Variants in CD247 observed in about 807,000 individuals in gnomAD.
CD247 encodes the protein T-cell surface glycoprotein CD3 zeta chain.
Under a neutral mutation model 30.0 loss-of-function variants are expected in CD247, and 13 were observed. The ratio of observed to expected loss-of-function variants is 0.43; its 90% CI spans 0.28 to 0.69. CD247 has a LOEUF of 0.69. Among genes scored for constraint, CD247 ranks in the 30% least tolerant of loss-of-function variants. The pLI is 0.16. For missense variants in CD247, 193 were observed against 212.6 expected (o/e 0.91, Z 0.57); for synonymous variants, 72 against 80.0 (o/e 0.90, Z 0.53).
chr1:167,478,441 G>C (rs1331066665), intron 1 of CD247, among the ~76,000 whole-genome samples: 1 of 152,220 alleles, frequency 6.6e-6, no homozygotes, highest in Non-Finnish European at 1.5e-5. Flanking sequence ...TATTTGAAAG[G>C]CTGTCTCATG....
At chr1:167,510,006 G>C (rs1479223972) in intron 1 of CD247, among the ~76,000 whole-genome samples, 1 of 152,184 alleles carries the variant, frequency 6.6e-6, no homozygotes, top group African/African-American at 2.4e-5. Context: ...TCCGACAGAG[G>C]TTTTCTTGTC....
At chr1:167,491,967 G>C (rs992254455) in intron 1 of CD247, among the ~76,000 whole-genome samples, 13 of 152,218 alleles carry the variant, frequency 8.5e-5, no homozygotes, top group Non-Finnish European at 1.5e-4. Flanking sequence ...GGGGCTGGGA[G>C]GAGGCGGGAA....
chr1:167,502,585 T>C (rs892196057), intron 1 of CD247, among the ~76,000 whole-genome samples: 6 of 152,272 alleles, frequency 3.9e-5, no homozygotes, highest in South Asian at 4.1e-4. Flanking sequence ...TTGAACTGTG[T>C]CCCCTCAAAA....
chr1:167,460,783 C>T (rs1467106664), intron 1 of CD247, among the ~76,000 whole-genome samples: 1 of 152,130 alleles, frequency 6.6e-6, no homozygotes, highest in Non-Finnish European at 1.5e-5. Flanking sequence ...TGTTCCCCGC[C>T]CTGTGTCCAT....
intron 1 of CD247, among the ~76,000 whole-genome samples, chr1:167,496,605 T>C (rs1208131674): frequency 6.6e-6 from 1 of 152,136 alleles, no homozygotes; most frequent in African/African-American, 2.4e-5. Context: ...ACCTAGACGA[T>C]CTCTGGCTGG....
At chr1:167,442,062 G>A (rs567451093) in intron 1 of CD247, among the ~76,000 whole-genome samples, 12 of 152,284 alleles carry the variant, frequency 7.9e-5, no homozygotes, top group African/African-American at 2.6e-4. Context: ...AGTGAGCCGA[G>A]ATCACGCCAC....
intron 1 of CD247, among the ~76,000 whole-genome samples, chr1:167,487,384 A>G (rs917074059): frequency 1.3e-5 from 2 of 152,188 alleles, no homozygotes; most frequent in Admixed American, 1.3e-4. Flanking sequence ...TAAAACAAAC[A>G]AAAGAAAAAA....
intron 1 of CD247, among the ~76,000 whole-genome samples, chr1:167,516,914 CA>C (rs1442797297): frequency 6.6e-6 from 1 of 152,134 alleles, no homozygotes; most frequent in African/African-American, 2.4e-5. Context: ...TTGGTCTCTC[CA>C]AGCCGAACAC....
chr1:167,439,504 T>A lies in CD247; in HGVS notation c.163-104A>T, dbSNP rs557574329. 4.1e-6 allele frequency: 4 copies of A among 986,096 alleles called. No homozygotes were observed. The East Asian group carries it at 9.9e-5, about 24-fold the overall frequency. 61.1% of individuals were successfully genotyped at this position (986,096 alleles called of 1,614,324 possible). Reference sequence around the variant, plus strand: ...CCGAGGGACAGCCCTACTCCGCTCCTTGGCAACTAACAATGCTGCCCTGCC... The same window carrying A: ...CCGAGGGACAGCCCTACTCCGCTCCATGGCAACTAACAATGCTGCCCTGCC... On this transcript the variant is annotated intron_variant, in intron 2 of 7. Coordinates refer to ENST00000362089, the MANE Select transcript of CD247 (RefSeq NM_198053.3).
At chr1:167,449,156 T>TTTTTTTTTTTTTC (rs1652238210) in intron 1 of CD247, among the ~76,000 whole-genome samples, 1 of 113,596 alleles carries the variant, frequency 8.8e-6, no homozygotes, top group African/African-American at 3.6e-5. Flanking sequence ...TTTCTTTTTT[T>TTTTTTTTTTTTTC]TTTTTTTTTT....
At chr1:167,478,067 C>A (rs1653823599) in intron 1 of CD247, among the ~76,000 whole-genome samples, 1 of 152,218 alleles carries the variant, frequency 6.6e-6, no homozygotes, top group South Asian at 2.1e-4. Context: ...CTGTGCTCTG[C>A]AGGACCAGGC....
At chr1:167,495,428 G>T (rs568992730) in intron 1 of CD247, among the ~76,000 whole-genome samples, 3 of 152,108 alleles carry the variant, frequency 2.0e-5, no homozygotes, top group African/African-American at 7.2e-5. Flanking sequence ...GTGTGCTCCC[G>T]TTTAATCCTT....
chr1:167,498,081 T>C (rs1654769561), intron 1 of CD247, among the ~76,000 whole-genome samples: 1 of 152,206 alleles, frequency 6.6e-6, no homozygotes, highest in African/African-American at 2.4e-5. Flanking sequence ...CCCTGGGATG[T>C]GGCATCTTCT....
At chr1:167,465,476 C>G (rs182792355) in intron 1 of CD247, among the ~76,000 whole-genome samples, 1 of 151,862 alleles carries the variant, frequency 6.6e-6, no homozygotes, top group East Asian at 1.9e-4. Context: ...TACAGGCTCC[C>G]GGCATCATGC....
At chr1:167,490,083 G>C (rs776661218) in intron 1 of CD247, among the ~76,000 whole-genome samples, 17 of 147,762 alleles carry the variant, frequency 1.2e-4, no homozygotes, top group Non-Finnish European at 2.1e-4. Context: ...TTGTGTCCTT[G>C]CTAGTACACA....
At chr1:167,496,119 T>C (rs549475523) in intron 1 of CD247, among the ~76,000 whole-genome samples, 12 of 152,178 alleles carry the variant, frequency 7.9e-5, no homozygotes, top group Non-Finnish European at 1.3e-4. Flanking sequence ...ATAATAAATA[T>C]TGGTTGAATA....
intron 1 of CD247, among the ~76,000 whole-genome samples, chr1:167,495,311 T>C (rs1654640785): frequency 6.6e-6 from 1 of 152,154 alleles, no homozygotes; most frequent in Admixed American, 6.5e-5. Context: ...GAGGAATAAA[T>C]GCAATAATGG....
chr1:167,433,903 C>T lies in CD247; in HGVS notation c.393+117G>A, dbSNP rs559342777. On this transcript the variant is annotated intron_variant, in intron 6 of 7. Coordinates refer to ENST00000362089, the MANE Select transcript of CD247 (RefSeq NM_198053.3). ...CCAGGTTCGCCTTCACCTCTGATGG[C>T]CACCACATGGGCATTTGCAGCTGGG... 5 of 965,448 alleles carry T rather than the reference C, an allele frequency of 5.2e-6. No homozygotes were observed. In the East Asian group the frequency reaches 9.5e-5, roughly 18 times the overall value. The allele number at this position is 965,448 out of a possible 1,614,324, so 59.8% of individuals were successfully genotyped here.
intron 1 of CD247, among the ~76,000 whole-genome samples, chr1:167,500,447 C>T (rs888851917): frequency 2.0e-5 from 3 of 152,174 alleles, no homozygotes; most frequent in Non-Finnish European, 2.9e-5. Context: ...ATAAAATATG[C>T]CATGCTTTGA....
Sources: allele counts gnomAD v4.1 joint callset (sites outside exome capture counted in the v4.1 genomes callset), GRCh38; gene constraint gnomAD v4.1.1; transcripts MANE v1.5; gene names NCBI Gene and HGNC (gene_info 2026-07-23, HGNC 2026-07-21).